The following SHANK2 variants were observed in gnomAD, a reference collection of about 807,000 sequenced individuals.
SHANK2 encodes the protein SH3 and multiple ankyrin repeat domains 2.
Under a neutral mutation model 133.7 loss-of-function variants are expected in SHANK2, and 43 were observed. The observed-to-expected ratio is 0.32, with a 90% CI of 0.25 to 0.41. The LOEUF is 0.41. Among genes scored for constraint, SHANK2 ranks in the 10% least tolerant of loss-of-function variants. The pLI, the probability that SHANK2 is intolerant of heterozygous loss-of-function variation, is 1.00. For synonymous variants in SHANK2, 1,017 were observed against 952.8 expected (o/e 1.07, Z -1.24); for missense variants, 1,994 against 2,235.8 (o/e 0.89, Z 2.18).
At chr11:71,132,547 C>A (rs1459387132) in intron 3 of SHANK2, among the ~76,000 whole-genome samples, 9 of 152,174 alleles carry the variant, frequency 5.9e-5, no homozygotes, top group African/African-American at 1.7e-4. Flanking sequence ...ATGAAGAGCA[C>A]CTCAAGTCAA....
At chr11:70,684,384 A>G (rs11237176) in intron 15 of SHANK2, among the ~76,000 whole-genome samples, 76,074 of 151,758 alleles carry the variant, frequency 0.5, 19,355 homozygotes, top group Non-Finnish European at 0.54. Flanking sequence ...TAGAGAGACC[A>G]CATCTCTACA....
At chr11:71,130,915 C>T (rs181033980) in intron 3 of SHANK2, among the ~76,000 whole-genome samples, 2 of 152,356 alleles carry the variant, frequency 1.3e-5, no homozygotes, top group Non-Finnish European at 2.9e-5. Flanking sequence ...GGAAAAAACT[C>T]CAAGTTTCTG....
At chr11:71,078,706 G>C (rs1951252840) in intron 8 of SHANK2, among the ~76,000 whole-genome samples, 1 of 152,192 alleles carries the variant, frequency 6.6e-6, no homozygotes. Context: ...ACACCCAGAA[G>C]TTACCACCCC....
rs371703942 is a variant in SHANK2, at chr11:70,486,470, G to A, written c.3823C>T (p.Arg1275Trp). The change falls in exon 25 of 26, where the codon CGG becomes TGG. Residue 1275 changes from arginine to tryptophan, a missense_variant. Arg to Trp is a moderately radical substitution (Grantham distance 101). Coordinates refer to ENST00000601538, the MANE Select transcript of SHANK2 (RefSeq NM_012309.5). The surrounding 1 kb of genome is among the most constrained non-coding windows in gnomAD (Gnocchi z 8.0). ...TCGTACTTGTTCTCCGTCTCCTGCC[G>A]CCTCAGGGGTCCCCGGGTGTTCTGC... ...TRQNTRGPLR[R>W]QETENKYETD... The A allele has an allele frequency of 3.1e-6, 5 of 1,613,918 alleles. No homozygotes were observed. Among genetic ancestry groups the A allele is most frequent in the Non-Finnish European group, 4.2e-6 (5 of 1,180,026 alleles).
intron 14 of SHANK2, among the ~76,000 whole-genome samples, chr11:70,769,996 A>G (rs1389937121): frequency 1.3e-5 from 2 of 152,212 alleles, no homozygotes; most frequent in Non-Finnish European, 2.9e-5. Context: ...TCCCTGGGCC[A>G]TGGAGGAAGG....
At chr11:70,844,067 G>A (rs566495612) in intron 11 of SHANK2, among the ~76,000 whole-genome samples, 112 of 152,228 alleles carry the variant, frequency 7.4e-4, no homozygotes, top group Middle Eastern at 3.4e-3. Context: ...CCCCAAGGTG[G>A]TGGGAGCTCC....
In SHANK2 at chr11:71,241,218, G is replaced by A. The variant is rs557313273; in HGVS notation, c.-113+11207C>T. On this transcript the variant is annotated intron_variant, in intron 1 of 25. Coordinates refer to ENST00000601538, the MANE Select transcript of SHANK2 (RefSeq NM_012309.5). The stretch of plus-strand genomic sequence containing the variant: ...ATGTTCCCTGCAGCACAGTCTGAAA[G>A]AACAAGATCCTGAAAACAACCCAAA... 3.7e-4 allele frequency among the ~76,000 whole-genome samples: 56 copies of A among 152,290 alleles called. No homozygotes were observed. The South Asian group carries it at 0.012, about 32-fold the overall frequency.
At chr11:70,629,789 G>A (rs2060957935) in intron 17 of SHANK2, among the ~76,000 whole-genome samples, 1 of 152,090 alleles carries the variant, frequency 6.6e-6, no homozygotes, top group Non-Finnish European at 1.5e-5. Flanking sequence ...CCTATCTCTG[G>A]GCCTCAGTTT....
chr11:70,935,373 C>T (rs1211049019), intron 10 of SHANK2, among the ~76,000 whole-genome samples: 1 of 152,136 alleles, frequency 6.6e-6, no homozygotes, highest in Non-Finnish European at 1.5e-5. Flanking sequence ...GAGGGGTCTG[C>T]TACAGTCTCA....
intron 17 of SHANK2, among the ~76,000 whole-genome samples, chr11:70,549,793 C>T (rs529759243): frequency 4.4e-4 from 67 of 152,328 alleles, no homozygotes; most frequent in Non-Finnish European, 8.4e-4. Context: ...CACAGGTGCT[C>T]GAGGAAACAG....
At chr11:70,626,100 A>G (rs1172963025) in intron 17 of SHANK2, among the ~76,000 whole-genome samples, 1 of 152,132 alleles carries the variant, frequency 6.6e-6, no homozygotes, top group East Asian at 1.9e-4. Flanking sequence ...TACCCCGCAC[A>G]CACGGTTGCT....
At chr11:70,843,315 G>A (rs1289276822) in intron 11 of SHANK2, among the ~76,000 whole-genome samples, 1 of 151,418 alleles carries the variant, frequency 6.6e-6, no homozygotes, top group Non-Finnish European at 1.5e-5. Context: ...GGCTGCTATG[G>A]GGTGGGCTGG....
rs1472322389 is a variant in SHANK2, at chr11:70,468,936, GAC to G, written c.*3931_*3932del. ...TTCCTGGCTTAGTTCTTTGCCAATA[GAC>G]ACAAATTCTCTCTTGCTCCAAGCCT... On this transcript the variant is annotated 3_prime_UTR_variant, in exon 26 of 26. Transcript: ENST00000601538. 1 of 152,238 alleles carries G rather than the reference GAC, an allele frequency of 6.6e-6. No individual in the cohort carries two copies. The highest frequency in any genetic ancestry group is 1.5e-5 in the Non-Finnish European group (1 of 68,038). The allele number at this position is 152,238 out of a possible 1,614,324, so 9.4% of individuals were successfully genotyped here. A position where few individuals can be genotyped will look rare whatever the true frequency, so the allele number is the denominator to read the frequency against.
chr11:71,108,667 G>A (rs1268733526), intron 6 of SHANK2, among the ~76,000 whole-genome samples: 3 of 152,188 alleles, frequency 2.0e-5, no homozygotes, highest in Non-Finnish European at 2.9e-5. Context: ...GAGGATCGGC[G>A]CAGGGCCTGG....
intron 2 of SHANK2, among the ~76,000 whole-genome samples, chr11:71,208,070 G>A (rs1954165451): frequency 6.6e-6 from 1 of 152,158 alleles, no homozygotes. Flanking sequence ...ACCCACACAT[G>A]AAGAAAACCA....
chr11:70,903,891 C>T (rs1341318778), intron 10 of SHANK2, among the ~76,000 whole-genome samples: 1 of 152,180 alleles, frequency 6.6e-6, no homozygotes, highest in Non-Finnish European at 1.5e-5. Flanking sequence ...CTGAGCTCTG[C>T]CAAACCCCAA....
At chr11:70,614,783 C>A (rs1162416600) in intron 17 of SHANK2, among the ~76,000 whole-genome samples, 1 of 152,226 alleles carries the variant, frequency 6.6e-6, no homozygotes, top group East Asian at 1.9e-4. Flanking sequence ...TCTGTGTGCT[C>A]CTCTGAGCCT....
intron 17 of SHANK2, among the ~76,000 whole-genome samples, chr11:70,653,202 T>C (rs1223343721): frequency 6.6e-6 from 1 of 152,170 alleles, no homozygotes; most frequent in Non-Finnish European, 1.5e-5. Context: ...CTCGATTTCC[T>C]GACCTCGTGA....
chr11:70,502,985 G>A lies in SHANK2; in HGVS notation c.2062-54C>T. On this transcript the variant is annotated intron_variant, in intron 17 of 25. Coordinates refer to ENST00000601538, the MANE Select transcript of SHANK2 (RefSeq NM_012309.5). Reference sequence around the variant, plus strand: ...GTGAGAGCCAGCGGAGAGGAAGACAGTTGGCACCCACCCAAGGCAGAGACA... The same window carrying A: ...GTGAGAGCCAGCGGAGAGGAAGACAATTGGCACCCACCCAAGGCAGAGACA... 1.9e-6 allele frequency: 3 copies of A among 1,603,830 alleles called. No individual in the cohort carries two copies. In the South Asian group the frequency reaches 3.3e-5, roughly 18 times the overall value.
Sources: allele counts gnomAD v4.1 joint callset (sites outside exome capture counted in the v4.1 genomes callset), GRCh38; gene constraint gnomAD v4.1.1; non-coding constraint Gnocchi (gnomAD v3.1); transcripts MANE v1.5; gene names NCBI Gene and HGNC (gene_info 2026-07-23, HGNC 2026-07-21).